Variants in MTG2 observed in about 807,000 individuals in gnomAD.
The protein encoded by MTG2 is mitochondrial ribosome associated GTPase 2, also known as mitochondrial ribosome-associated GTPase 2.
MTG2 carries 23 observed loss-of-function variants against 28.6 expected under a neutral mutation model. That is an observed-to-expected ratio of 0.80 (90% CI 0.58 to 1.14). The LOEUF is 1.14. Among genes scored for constraint, MTG2 ranks in the 50% most tolerant of loss-of-function variants. The pLI, the probability that MTG2 is intolerant of heterozygous loss-of-function variation, is 0.00. For missense variants in MTG2, 539 were observed against 552.0 expected (o/e 0.98, Z 0.24); for synonymous variants, 260 against 251.8 (o/e 1.03, Z -0.31).
intron 2 of MTG2, among the ~76,000 whole-genome samples, chr20:62,195,067 G>A (rs2058034980): frequency 6.6e-6 from 1 of 152,028 alleles, no homozygotes; most frequent in South Asian, 2.1e-4. Flanking sequence ...GCAGTGGCGG[G>A]TGCCTGTAGT....
chr20:62,190,004 G>C (rs2057924615), intron 1 of MTG2, among the ~76,000 whole-genome samples: 1 of 152,142 alleles, frequency 6.6e-6, no homozygotes, highest in Non-Finnish European at 1.5e-5. Context: ...GTTAGATTTA[G>C]GTGCACTTTT....
At chr20:62,196,971 G>A (rs2058070633) in intron 3 of MTG2, among the ~76,000 whole-genome samples, 1 of 152,166 alleles carries the variant, frequency 6.6e-6, no homozygotes, top group African/African-American at 2.4e-5. Flanking sequence ...GGCAGAGGTT[G>A]CGGTGAGCTG....
At chr20:62,189,325 A>G (rs569276430) in intron 1 of MTG2, among the ~76,000 whole-genome samples, 1 of 151,888 alleles carries the variant, frequency 6.6e-6, no homozygotes, top group Non-Finnish European at 1.5e-5. Flanking sequence ...AAGAAAAAAA[A>G]GTGTCTCTTT....
chr20:62,198,161 C>G, intron 4 of MTG2, 194 bp downstream of exon 4: 2 of 592,706 alleles, frequency 3.4e-6, no homozygotes, highest in Non-Finnish European at 3.0e-6. Context: ...GGCATTTGTA[C>G]CAGGGTCTCA....
At chr20:62,197,811 G>A (rs766426203) in intron 3 of MTG2, 41 bp from the exon 4 acceptor site, 1 of 1,576,074 alleles carries the variant, frequency 6.3e-7, no homozygotes, top group South Asian at 1.1e-5. Flanking sequence ...GGCCATGGTT[G>A]TCGTAACACA....
chr20:62,195,209 A>G (rs1333087816), intron 2 of MTG2, among the ~76,000 whole-genome samples: 1 of 152,116 alleles, frequency 6.6e-6, no homozygotes, highest in Non-Finnish European at 1.5e-5. Context: ...AAAAACCACA[A>G]AAAACAAAAC....
At chr20:62,187,658 G>A (rs1365393020) in intron 1 of MTG2, among the ~76,000 whole-genome samples, 1 of 152,184 alleles carries the variant, frequency 6.6e-6, no homozygotes, top group Non-Finnish European at 1.5e-5. Context: ...TTGCCCTCTG[G>A]CTGTCTGTAA....
chr20:62,196,053 C>A, intron 3 of MTG2, 104 bp downstream of exon 3: 1 of 1,409,212 alleles, frequency 7.1e-7, no homozygotes, highest in Non-Finnish European at 9.6e-7. Context: ...TGGCTTATGC[C>A]TGTGATCCCA....
chr20:62,200,972 G>A lies in MTG2; in HGVS notation c.1116G>A (p.Ala372=), dbSNP rs778978065. 49 of 1,613,824 alleles carry A rather than the reference G, an allele frequency of 3.0e-5. No individual in the cohort carries two copies. Among genetic ancestry groups the A allele is most frequent in the Middle Eastern group, 1.6e-4 (1 of 6,084 alleles). ...HLGQEVIVLS[A]LTGENLEQLL... The stretch of plus-strand genomic sequence containing the variant: ...GACAGGAGGTCATCGTGCTGTCGGC[G>A]TTGACCGGCGAGAACCTGGAGCAGC... Residue 372 remains alanine (A), a synonymous_variant, in exon 7 of 7, where the codon GCG becomes GCA. Transcript: ENST00000370823.
chr20:62,192,057 C>A (rs753855901), intron 1 of MTG2, among the ~76,000 whole-genome samples: 1 of 152,204 alleles, frequency 6.6e-6, no homozygotes, highest in African/African-American at 2.4e-5. Flanking sequence ...ACCAACAATT[C>A]GCCAGTCCTC....
At chr20:62,188,118 G>A (rs1045650076) in intron 1 of MTG2, among the ~76,000 whole-genome samples, 3 of 135,762 alleles carry the variant, frequency 2.2e-5, no homozygotes, top group South Asian at 2.7e-4. Context: ...GCGACAGTGC[G>A]AGACTGTCTC....
intron 6 of MTG2, 57 bp downstream of exon 6, chr20:62,199,314 TAATGATGTAACTC>T: frequency 1.3e-6 from 2 of 1,567,354 alleles, no homozygotes; most frequent in Non-Finnish European, 8.7e-7. Flanking sequence ...TTCAGAAAAG[TAATGATGTAACTC>T]TTAAATTTAG....
Position 62,200,730 on chromosome 20 carries a change from C to G in MTG2, c.874C>G (p.Leu292Val). The change falls in exon 7 of 7, where the codon CTG becomes GTG. Residue 292 changes from leucine (L) to valine (V), a missense_variant. By Grantham distance (32) the Leu-to-Val change is conservative (BLOSUM62 1). Transcript: ENST00000370823. ...IIRGAHQNRG[L>V]GSAFLRHIER... is the part of the protein sequence containing the mutation. ...ACGAGGCGCCCACCAGAACAGGGGT[C>G]TGGGGTCCGCCTTCCTCAGGCACAT... The G allele has an allele frequency of 6.2e-7, 1 of 1,613,324 alleles. No homozygotes were observed.
intron 3 of MTG2, among the ~76,000 whole-genome samples, chr20:62,196,681 A>G (rs2058065042): frequency 6.6e-6 from 1 of 151,896 alleles, no homozygotes; most frequent in Admixed American, 6.6e-5. Flanking sequence ...AAAAAACAAA[A>G]CAAAACAAAC....
chr20:62,199,361 G>A, intron 6 of MTG2, 104 bp downstream of exon 6: 10 of 1,432,182 alleles, frequency 7.0e-6, no homozygotes, highest in Non-Finnish European at 9.4e-6. Context: ...ATGTAGCATT[G>A]TTGGCCAGGC....
intron 3 of MTG2, chr20:62,197,594 C>G (rs373827103): frequency 5.1e-6 from 2 of 393,286 alleles, no homozygotes; most frequent in African/African-American, 2.1e-5. Context: ...GGGAGTGAAG[C>G]CTTCACAACA....
chr20:62,184,094 C>G (rs1280036693), intron 1 of MTG2, among the ~76,000 whole-genome samples: 1 of 152,214 alleles, frequency 6.6e-6, no homozygotes, highest in Non-Finnish European at 1.5e-5. Flanking sequence ...CGCGGTGGCT[C>G]ACGCCTGTAA....
At position 62,190,950 on chromosome 20, in the gene MTG2, G is replaced by A. The variant is rs891242608; in HGVS notation, c.-5-2466G>A. On this transcript the variant is annotated intron_variant, in intron 1 of 6. Transcript: ENST00000370823. ...TCAGCCAGTCGGAGAACAGAGACCC[G>A]CTAAAGAATGGGGAGCTCTGGGAGC... Among the ~76,000 whole-genome samples the A allele has an allele frequency of 5.9e-5, 9 of 152,342 alleles. No homozygotes were observed. The East Asian group carries it at 7.7e-4, about 13-fold the overall frequency.
intron 3 of MTG2, among the ~76,000 whole-genome samples, chr20:62,196,169 T>G (rs1432587824): frequency 1.9e-4 from 16 of 82,578 alleles, no homozygotes; most frequent in Non-Finnish European, 2.4e-4. Flanking sequence ...GTTTTTTTGT[T>G]TTTTTTTTTT....
Sources: gnomAD v4.1 joint callset for allele counts (sites outside exome capture counted in the v4.1 genomes callset) on GRCh38, gnomAD v4.1.1 for gene constraint, MANE v1.5 for transcripts, NCBI Gene and HGNC (gene_info 2026-07-23, HGNC 2026-07-21) for gene names.